Variants in NR2C1 observed in about 807,000 individuals in gnomAD.
NR2C1 encodes the protein nuclear receptor subfamily 2 group C member 1.
In NR2C1, 33 loss-of-function variants were observed where a neutral mutation model predicts 74.8. The ratio of observed to expected loss-of-function variants is 0.44; its 90% CI spans 0.33 to 0.59. The LOEUF (loss-of-function observed/expected upper bound fraction) is 0.59, where lower values mean the gene tolerates loss of function less well. Among genes scored for constraint, NR2C1 ranks in the 20% least tolerant of loss-of-function variants. The pLI, the probability that NR2C1 is intolerant of heterozygous loss-of-function variation, is 0.02. For missense variants in NR2C1, 568 were observed against 715.6 expected (o/e 0.79, Z 2.35); for synonymous variants, 225 against 240.6 (o/e 0.94, Z 0.60).
chr12:95,022,022 A>G lies in NR2C1; in HGVS notation c.*207T>C. The G allele has an allele frequency of 2.3e-6, 1 of 427,184 alleles. No homozygotes were observed. Among genetic ancestry groups the G allele is most frequent in the East Asian group, 4.0e-5 (1 of 25,154 alleles). 26.5% of individuals were successfully genotyped at this position (427,184 alleles called of 1,614,324 possible). A position where few individuals can be genotyped will look rare whatever the true frequency, so the allele number is the denominator to read the frequency against. ...ATTTGTAGTGTTTCATATTCATTTA[A>G]AGGAATCAGGAAGAAAAATTCATTT... On this transcript the variant is annotated 3_prime_UTR_variant, in exon 14 of 14. Transcript: ENST00000333003.
At chr12:95,025,658 T>TAAAA (rs11291964) in intron 12 of NR2C1, among the ~76,000 whole-genome samples, 25 of 86,552 alleles carry the variant, frequency 2.9e-4, no homozygotes, top group African/African-American at 8.2e-4. Flanking sequence ...AACTCTGTCT[T>TAAAA]AAAAAAAAAA....
chr12:95,039,920 G>A (rs919482114), intron 10 of NR2C1, among the ~76,000 whole-genome samples: 2 of 152,018 alleles, frequency 1.3e-5, no homozygotes, highest in African/African-American at 2.4e-5. Flanking sequence ...GATTACAGGC[G>A]TTAGTTACCA....
intron 1 of NR2C1, among the ~76,000 whole-genome samples, chr12:95,068,354 T>TCAC (rs1198401578): frequency 6.6e-6 from 1 of 152,216 alleles, no homozygotes; most frequent in African/African-American, 2.4e-5. Flanking sequence ...GTACTGGTGG[T>TCAC]CAGGACATCA....
At chr12:95,058,102 C>T (rs1874193244) in intron 5 of NR2C1, 1 of 662,262 alleles carries the variant, frequency 1.5e-6, no homozygotes, top group African/African-American at 1.8e-5. Context: ...CAAACACAAA[C>T]TACAAATACG....
intron 12 of NR2C1, among the ~76,000 whole-genome samples, chr12:95,027,222 T>C (rs1869472786): frequency 6.6e-6 from 1 of 152,086 alleles, no homozygotes; most frequent in Admixed American, 6.5e-5. Flanking sequence ...ATCCAGCTAA[T>C]TTTTTCTGTT....
intron 13 of NR2C1, among the ~76,000 whole-genome samples, chr12:95,022,895 G>T (rs1301735074): frequency 6.6e-6 from 1 of 151,152 alleles, no homozygotes; most frequent in Non-Finnish European, 1.5e-5. Context: ...TAGAGACAGG[G>T]TCTCACTATA....
intron 2 of NR2C1, among the ~76,000 whole-genome samples, chr12:95,065,890 CAGTG>C (rs1875609144): frequency 6.7e-6 from 1 of 150,330 alleles, no homozygotes; most frequent in Non-Finnish European, 1.5e-5. Context: ...GCGGAGGTTG[CAGTG>C]AGCCAAGACA....
chr12:95,029,558 C>CT (rs1565834034), intron 11 of NR2C1, among the ~76,000 whole-genome samples: 3 of 122,596 alleles, frequency 2.4e-5, no homozygotes. Context: ...TGTAATGGTT[C>CT]CTTTTTTTTT....
In NR2C1 at chr12:95,058,442, T is replaced by TA; in HGVS notation, c.411dup (p.Lys138Ter). ...ACTAAATTTTTTCGGATGCTTCTTT[T>TA]AAAAAATCCTTTGCAGCCTTCACAA... On this transcript the variant is annotated frameshift_variant, in exon 5 of 14. Coordinates refer to ENST00000333003, the MANE Select transcript of NR2C1 (RefSeq NM_003297.4). LOFTEE classifies it high-confidence loss of function. 1 of 1,613,560 alleles carries TA rather than the reference T, an allele frequency of 6.2e-7. No individual in the cohort carries two copies. Among genetic ancestry groups the TA allele is most frequent in the Non-Finnish European group, 8.5e-7 (1 of 1,179,780 alleles).
chr12:95,072,166 T>C (rs1291959483), intron 1 of NR2C1, among the ~76,000 whole-genome samples: 4 of 150,846 alleles, frequency 2.7e-5, no homozygotes, highest in South Asian at 4.2e-4. Context: ...GTAATCCCAG[T>C]ACTTTGGGAG....
chr12:95,058,281 G>A lies in NR2C1; in HGVS notation c.544+29C>T, dbSNP rs1874217775. On this transcript the variant is annotated intron_variant, in intron 5 of 13. Coordinates refer to ENST00000333003, the MANE Select transcript of NR2C1 (RefSeq NM_003297.4). ...TGTAGTTTGCTGGAATCTTTAAAAA[G>A]TATTTTCTCCTTAAAAGCTAATACA... is the stretch of plus-strand genomic sequence containing the variant. 1.9e-6 allele frequency: 3 copies of A among 1,562,620 alleles called. No individual in the cohort carries two copies. The Admixed American group carries it at 6.2e-5, about 32-fold the overall frequency.
Position 95,056,974 on chromosome 12 carries a change from A to AC in NR2C1, c.783+578_783+579insG, listed in dbSNP as rs1171372001. Reference sequence around the variant, plus strand: ...ACTCCATCTCAAAAAAAAAAAAAAAAAGACTTTTACACCTATAATAAATGT... The same window carrying AC: ...ACTCCATCTCAAAAAAAAAAAAAAAACAGACTTTTACACCTATAATAAATGT... On this transcript the variant is annotated intron_variant, in intron 7 of 13. Coordinates refer to ENST00000333003, the MANE Select transcript of NR2C1 (RefSeq NM_003297.4). 4.2e-3 allele frequency among the ~76,000 whole-genome samples: 633 copies of AC among 150,152 alleles called. 6 individuals are homozygous for AC. The highest frequency in any genetic ancestry group is 0.01 in the African/African-American group (416 of 41,014).
rs903093997 is a variant in NR2C1 at position 95,022,168 on chromosome 12, A to G, written c.*61T>C. The G allele has an allele frequency of 5.2e-6, 7 of 1,339,830 alleles. No homozygotes were observed. The highest frequency in any genetic ancestry group is 7.0e-6 in the Non-Finnish European group (7 of 1,001,784). The allele number at this position is 1,339,830 out of a possible 1,614,324, so 83.0% of individuals were successfully genotyped here. A position where few individuals can be genotyped will look rare whatever the true frequency, so the allele number is the denominator to read the frequency against. On this transcript the variant is annotated 3_prime_UTR_variant, in exon 14 of 14. Transcript: ENST00000333003. The stretch of plus-strand genomic sequence containing the variant: ...CAGATGCCTCAAAAGCAGTGAGTTC[A>G]ATTTGGTGTCTTGTGTTCTGGCAAA...
intron 10 of NR2C1, among the ~76,000 whole-genome samples, chr12:95,036,858 T>C (rs1467226350): frequency 6.6e-6 from 1 of 152,226 alleles, no homozygotes; most frequent in Non-Finnish European, 1.5e-5. Context: ...GGTTATATAA[T>C]TGTTTATACT....
rs1868656466 is a variant in NR2C1, at chr12:95,020,252, T to C, written c.*1977A>G. On this transcript the variant is annotated 3_prime_UTR_variant, in exon 14 of 14. Transcript: ENST00000333003. ...ACTGAAAAGGAAAATGAATAATATA[T>C]TTACAAATATACTGGTAAGACACAG... The C allele has an allele frequency of 6.6e-6, 1 of 152,186 alleles. No homozygotes were observed. Among genetic ancestry groups the C allele is most frequent in the South Asian group, 2.1e-4 (1 of 4,822 alleles). 9.4% of individuals were successfully genotyped at this position (152,186 alleles called of 1,614,324 possible).
chr12:95,067,413 T>C, intron 1 of NR2C1, 22 bp from the exon 2 acceptor site: 1 of 1,551,004 alleles, frequency 6.4e-7, no homozygotes. Flanking sequence ...AAAAAGATGT[T>C]TTATAATTAA....
At chr12:95,027,595 G>GT (rs1400796273) in intron 12 of NR2C1, among the ~76,000 whole-genome samples, 1 of 152,124 alleles carries the variant, frequency 6.6e-6, no homozygotes, top group African/African-American at 2.4e-5. Flanking sequence ...AATGAACTGG[G>GT]TGTGGTGGTA....
chr12:95,053,821 C>T (rs1330202942), intron 7 of NR2C1, among the ~76,000 whole-genome samples: 2 of 151,534 alleles, frequency 1.3e-5, no homozygotes, highest in African/African-American at 2.4e-5. Flanking sequence ...GGAGCTGGGA[C>T]TACAGGCGCC....
At chr12:95,042,089 C>A (rs976680004) in intron 9 of NR2C1, among the ~76,000 whole-genome samples, 5 of 151,916 alleles carry the variant, frequency 3.3e-5, no homozygotes. Flanking sequence ...TATATGTATA[C>A]CTAAAAAGTA....
Sources: allele counts gnomAD v4.1 joint callset (sites outside exome capture counted in the v4.1 genomes callset), GRCh38; gene constraint gnomAD v4.1.1; transcripts MANE v1.5; gene names NCBI Gene and HGNC (gene_info 2026-07-23, HGNC 2026-07-21).